DENND4A: variants seen among roughly 807,000 people sequenced by gnomAD.
DENND4A encodes the protein C-myc promoter-binding protein.
DENND4A carries 70 observed loss-of-function variants against 199.3 expected under a neutral mutation model. The observed-to-expected ratio is 0.35, with a 90% confidence interval of 0.29 to 0.43. The LOEUF is 0.43. DENND4A is among the 20% of genes least tolerant of loss of function. The pLI, the probability that DENND4A is intolerant of heterozygous loss-of-function variation, is 1.00. For synonymous variants in DENND4A, 686 were observed against 766.9 expected, an observed-to-expected ratio of 0.89 and a Z score of 1.74; for missense variants, 1,723 against 2,255.8, an observed-to-expected ratio of 0.76 and a Z score of 4.78.
At chr15:65,698,871 G>A (rs1297550818) in intron 20 of DENND4A, among the ~76,000 whole-genome samples, 1 of 151,476 alleles carries the variant, frequency 6.6e-6, no homozygotes, top group Non-Finnish European at 1.5e-5. Flanking sequence ...CCAAGTAGCT[G>A]GGATTACAGG....
At chr15:65,719,654 C>G (rs918270415) in intron 12 of DENND4A, among the ~76,000 whole-genome samples, 18 of 152,020 alleles carry the variant, frequency 1.2e-4, no homozygotes, top group African/African-American at 4.1e-4. Flanking sequence ...CTTTAGGAGG[C>G]TGCAGTGGGA....
chr15:65,720,101 A>G (rs1185173317), intron 12 of DENND4A, among the ~76,000 whole-genome samples: 1 of 152,210 alleles, frequency 6.6e-6, no homozygotes, highest in African/African-American at 2.4e-5. Context: ...TATAAAGAAC[A>G]TTAAGATGAT....
chr15:65,721,799 GTACTT>G (rs1176038459), intron 12 of DENND4A, among the ~76,000 whole-genome samples: 1 of 151,620 alleles, frequency 6.6e-6, no homozygotes, highest in Non-Finnish European at 1.5e-5. Context: ...ACTATTGACT[GTACTT>G]TATATAATAA....
chr15:65,763,520 C>T (rs1787751874), intron 1 of DENND4A, among the ~76,000 whole-genome samples: 1 of 151,316 alleles, frequency 6.6e-6, no homozygotes. Flanking sequence ...ACAAAAAATA[C>T]CAAAGTAGCC....
At chr15:65,666,048 C>A (rs1330981791) in intron 29 of DENND4A, among the ~76,000 whole-genome samples, 1 of 152,088 alleles carries the variant, frequency 6.6e-6, no homozygotes, top group Non-Finnish European at 1.5e-5. Context: ...AAAGGAATGA[C>A]GAGAGTGGTA....
chr15:65,711,520 A>C (rs1363387155), intron 14 of DENND4A, among the ~76,000 whole-genome samples: 1 of 152,134 alleles, frequency 6.6e-6, no homozygotes, highest in Admixed American at 6.6e-5. Context: ...AAGAAAAAAA[A>C]CCAGGTTTTC....
At chr15:65,712,353 T>G (rs997512158) in intron 14 of DENND4A, among the ~76,000 whole-genome samples, 1 of 152,176 alleles carries the variant, frequency 6.6e-6, no homozygotes, top group Non-Finnish European at 1.5e-5. Context: ...TAAACGTGAA[T>G]AAAACCCAGT....
At chr15:65,734,286 G>C (rs548769240) in intron 7 of DENND4A, among the ~76,000 whole-genome samples, 85 of 152,346 alleles carry the variant, frequency 5.6e-4, no homozygotes, top group African/African-American at 2.0e-3. Flanking sequence ...AAAGCATTGA[G>C]ATGTTTATGT....
intron 14 of DENND4A, among the ~76,000 whole-genome samples, chr15:65,711,144 G>A (rs757849209): frequency 3.3e-5 from 5 of 152,164 alleles, no homozygotes; most frequent in Non-Finnish European, 5.9e-5. Context: ...TGAAAAACAA[G>A]TTCTTGGTAT....
rs2074898006 is a variant in DENND4A at position 65,702,210 on chromosome 15, A to G, written c.2430+95T>C. ...CTTGAGCTCAAGAGGTTAAGACTGC[A>G]GTGAGCCATGACTGCATCACTGCAC... On this transcript the variant is annotated intron_variant, in intron 17 of 32. Transcript: ENST00000443035. 4.9e-6 allele frequency: 5 copies of G among 1,018,760 alleles called. No homozygotes were observed. In the East Asian group the frequency reaches 1.3e-4, roughly 26 times the overall value. The allele number at this position is 1,018,760 out of a possible 1,614,324, so 63.1% of individuals were successfully genotyped here.
chr15:65,766,657 G>C (rs990365687), intron 1 of DENND4A: 1 of 152,152 alleles, frequency 6.6e-6, no homozygotes, highest in Non-Finnish European at 1.5e-5. Flanking sequence ...CCAGCAGACA[G>C]TGAGGGATAC....
intron 1 of DENND4A, among the ~76,000 whole-genome samples, chr15:65,783,668 G>A (rs1253957584): frequency 6.6e-6 from 1 of 152,126 alleles, no homozygotes; most frequent in Non-Finnish European, 1.5e-5. Flanking sequence ...GTGCCAGAAA[G>A]TAAGGAAGTA....
chr15:65,737,297 G>A (rs569820889), intron 7 of DENND4A, among the ~76,000 whole-genome samples: 4 of 152,310 alleles, frequency 2.6e-5, no homozygotes, highest in Admixed American at 2.6e-4. Flanking sequence ...GGACTCAAGA[G>A]ATCTGCCTGC....
intron 12 of DENND4A, 31 bp downstream of exon 12, chr15:65,722,814 TAAA>T: frequency 6.7e-7 from 1 of 1,483,032 alleles, no homozygotes; most frequent in Admixed American, 2.2e-5. Flanking sequence ...TTTTTCAGAT[TAAA>T]TTACCTCCTT....
At chr15:65,717,080 CTCTT>C (rs2075430687) in intron 13 of DENND4A, among the ~76,000 whole-genome samples, 1 of 152,132 alleles carries the variant, frequency 6.6e-6, no homozygotes, top group Non-Finnish European at 1.5e-5. Context: ...AAGTTGTTCA[CTCTT>C]TATTTCCAAT....
At chr15:65,788,081 ATT>A (rs869202537) in intron 1 of DENND4A, among the ~76,000 whole-genome samples, 2 of 148,398 alleles carry the variant, frequency 1.3e-5, no homozygotes. Flanking sequence ...TTATTTATTT[ATT>A]TTTTTTTTTT....
Position 65,663,193 on chromosome 15 carries a change from TATA to T in DENND4A, c.5587+1134_5587+1136del, listed in dbSNP as rs1372857033. Reference sequence around the variant, plus strand: ...GTGTGTGTGTATATATATATATATATATATATTTTTTTTTTTTTATTTTTTTTT... The same window carrying T: ...GTGTGTGTGTATATATATATATATATTATTTTTTTTTTTTTATTTTTTTTT... On this transcript the variant is annotated intron_variant, in intron 32 of 32. Transcript: ENST00000443035. Among the ~76,000 whole-genome samples the T allele has an allele frequency of 5.1e-4, 63 of 123,362 alleles. 2 individuals carry two copies. Among genetic ancestry groups the T allele is most frequent in the Middle Eastern group, 3.8e-3 (1 of 260 alleles). 80.9% of individuals were successfully genotyped at this position (123,362 alleles called of 152,430 possible). A position where few individuals can be genotyped will look rare whatever the true frequency, so the allele number is the denominator to read the frequency against.
intron 32 of DENND4A, among the ~76,000 whole-genome samples, chr15:65,663,698 G>A (rs1458615074): frequency 1.3e-5 from 2 of 152,052 alleles, no homozygotes; most frequent in East Asian, 1.9e-4. Flanking sequence ...AGCCCAAGCT[G>A]GCATGCAGCT....
chr15:65,791,441 G>A (rs994940490), intron 1 of DENND4A, among the ~76,000 whole-genome samples: 1 of 151,656 alleles, frequency 6.6e-6, no homozygotes, highest in African/African-American at 2.4e-5. Flanking sequence ...ACCAGGAACA[G>A]TTCCCTTCCC....
Sources: gnomAD v4.1 joint callset for allele counts (sites outside exome capture counted in the v4.1 genomes callset) on GRCh38, gnomAD v4.1.1 for gene constraint, MANE v1.5 for transcripts, NCBI Gene and HGNC (gene_info 2026-07-23, HGNC 2026-07-21) for gene names.